Variants in RAP1GAP2 observed in about 807,000 individuals in gnomAD.
RAP1GAP2 encodes rap1 GTPase-activating protein 2.
RAP1GAP2 carries 27 observed loss-of-function variants against 95.0 expected under a neutral mutation model. That is an observed-to-expected ratio of 0.28 (90% CI 0.21 to 0.39). The LOEUF is 0.39. RAP1GAP2 is among the 10% of genes least tolerant of loss of function. RAP1GAP2 has a pLI of 1.00. For synonymous variants in RAP1GAP2, 373 were observed against 380.9 expected, an observed-to-expected ratio of 0.98 and a Z score of 0.24; for missense variants, 771 against 970.0, an observed-to-expected ratio of 0.79 and a Z score of 2.72.
chr17:2,916,369 A>G (rs994914478), intron 3 of RAP1GAP2, among the ~76,000 whole-genome samples: 1 of 152,204 alleles, frequency 6.6e-6, no homozygotes. Context: ...ATCCTGTTCA[A>G]CAAAGCACCG....
In RAP1GAP2 at chr17:2,842,401, A is replaced by G. The variant is rs146807862; in HGVS notation, c.80+41851A>G. On this transcript the variant is annotated intron_variant, in intron 2 of 24. Coordinates refer to ENST00000254695, the MANE Select transcript of RAP1GAP2 (RefSeq NM_015085.5). The stretch of plus-strand genomic sequence containing the variant: ...AAAAATTAGCCAGGCGTGGTGGCAC[A>G]TGCCTGTAATCCCAGCTACTTGGGA... Among the ~76,000 whole-genome samples, 483 of 152,018 alleles carry G rather than the reference A, an allele frequency of 3.2e-3. 3 individuals are homozygous for G. The highest frequency in any genetic ancestry group is 8.2e-3 in the Admixed American group (125 of 15,244).
chr17:2,799,594 C>G (rs1012296793), intron 1 of RAP1GAP2, among the ~76,000 whole-genome samples: 1 of 152,134 alleles, frequency 6.6e-6, no homozygotes, highest in Non-Finnish European at 1.5e-5. Context: ...TTTAGTGAAG[C>G]TGACAGTGAT....
chr17:2,939,245 A>G (rs35502421), intron 3 of RAP1GAP2, among the ~76,000 whole-genome samples: 11,925 of 152,060 alleles, frequency 0.078, 581 homozygotes, highest in Middle Eastern at 0.12. Context: ...ATGCGCCACC[A>G]TACCCAGCTA....
At chr17:2,909,200 G>T (rs893589564) in intron 3 of RAP1GAP2, among the ~76,000 whole-genome samples, 3 of 152,160 alleles carry the variant, frequency 2.0e-5, no homozygotes, top group African/African-American at 7.2e-5. Context: ...TGGGGTCTCT[G>T]CAGAGGAGGC....
chr17:2,997,268 C>T (rs2045991947), intron 13 of RAP1GAP2, among the ~76,000 whole-genome samples: 1 of 152,168 alleles, frequency 6.6e-6, no homozygotes, highest in African/African-American at 2.4e-5. Flanking sequence ...TCATCACTCT[C>T]ATTCACACCT....
chr17:2,759,437 C>T (rs1176956946), intron 1 of RAP1GAP2, among the ~76,000 whole-genome samples: 6 of 151,974 alleles, frequency 3.9e-5, no homozygotes, highest in South Asian at 2.1e-4. Context: ...CGTGCCACCA[C>T]GCCCAGCTAA....
chr17:2,823,119 G>A (rs1158257279), intron 2 of RAP1GAP2, among the ~76,000 whole-genome samples: 1 of 151,684 alleles, frequency 6.6e-6, no homozygotes, highest in Non-Finnish European at 1.5e-5. Context: ...GGTGTCATGG[G>A]GATGGCGGGT....
intron 3 of RAP1GAP2, among the ~76,000 whole-genome samples, chr17:2,934,160 C>G (rs2043235653): frequency 6.6e-6 from 1 of 152,124 alleles, no homozygotes; most frequent in African/African-American, 2.4e-5. Flanking sequence ...GAGACAGAGT[C>G]TTGTTCCGTT....
chr17:2,821,557 A>G (rs1339083673), intron 2 of RAP1GAP2, among the ~76,000 whole-genome samples: 1 of 149,466 alleles, frequency 6.7e-6, no homozygotes, highest in Non-Finnish European at 1.5e-5. Context: ...TTTTTTTTGT[A>G]GAGATGAAGT....
upstream of RAP1GAP2, among the ~76,000 whole-genome samples, chr17:2,773,006 G>A (rs1385570695): frequency 2.0e-5 from 3 of 152,000 alleles, no homozygotes; most frequent in East Asian, 3.9e-4. Flanking sequence ...TTACAGGCAT[G>A]CGTCACCACA....
In RAP1GAP2 at chr17:2,905,295, T is replaced by C; in HGVS notation, c.92T>C (p.Leu31Pro). Residue 31 changes from leucine to proline, a missense_variant, in exon 3 of 25, where the codon CTG becomes CCG. Coordinates refer to ENST00000254695, the MANE Select transcript of RAP1GAP2 (RefSeq NM_015085.5). Reference protein sequence around the residue: ...LASLKVKKQELANSSDATLPD... With the variant: ...LASLKVKKQEPANSSDATLPD... ...TGGCCTCTTCACAGGAAGCAGGAGC[T>C]GGCCAACAGCTCGGATGCGACCCTC... 2.5e-6 allele frequency: 4 copies of C among 1,613,774 alleles called. No homozygotes were observed. The highest frequency in any genetic ancestry group is 3.4e-6 in the Non-Finnish European group (4 of 1,179,750).
At chr17:3,002,428 G>C (rs1378826165) in intron 14 of RAP1GAP2, among the ~76,000 whole-genome samples, 1 of 152,212 alleles carries the variant, frequency 6.6e-6, no homozygotes. Context: ...AATGAGGCCA[G>C]GGAGGGGGAC....
Position 2,866,713 on chromosome 17 carries a change from T to G in RAP1GAP2, c.81-38571T>G, listed in dbSNP as rs889519216. 6.8e-6 allele frequency among the ~76,000 whole-genome samples: 1 copy of G among 146,940 alleles called. No homozygotes were observed. Among genetic ancestry groups the G allele is most frequent in the Non-Finnish European group, 1.5e-5 (1 of 66,838 alleles). On this transcript the variant is annotated intron_variant, in intron 2 of 24. Coordinates refer to ENST00000254695, the MANE Select transcript of RAP1GAP2 (RefSeq NM_015085.5). The surrounding 1 kb of genome is among the most constrained non-coding windows in gnomAD (Gnocchi z 4.0). ...CTCCCGGGTTCAAGCGATTCTCCTG[T>G]CTCAGCCTCCCGAGTAGCTGGGATT...
chr17:2,894,380 A>G (rs540060595), intron 2 of RAP1GAP2, among the ~76,000 whole-genome samples: 1 of 152,232 alleles, frequency 6.6e-6, no homozygotes, highest in Non-Finnish European at 1.5e-5. Context: ...CAGTGAGCCA[A>G]GATCGCGCCA....
chr17:2,936,051 G>A (rs547141576), intron 3 of RAP1GAP2, among the ~76,000 whole-genome samples: 1 of 151,876 alleles, frequency 6.6e-6, no homozygotes, highest in African/African-American at 2.4e-5. Flanking sequence ...TGCGCAGACC[G>A]CCATCTCCTC....
intron 3 of RAP1GAP2, among the ~76,000 whole-genome samples, chr17:2,950,047 T>C (rs75017331): frequency 2.5e-4 from 14 of 55,094 alleles, no homozygotes; most frequent in Admixed American, 1.4e-3. Flanking sequence ...TCTTTTCTTC[T>C]TCTTCTTCTT....
At chr17:2,874,482 A>G (rs1023263703) in intron 2 of RAP1GAP2, among the ~76,000 whole-genome samples, 1 of 151,418 alleles carries the variant, frequency 6.6e-6, no homozygotes, top group South Asian at 2.1e-4. Context: ...GAGATGACCT[A>G]TCTACAAAGA....
intron 2 of RAP1GAP2, among the ~76,000 whole-genome samples, chr17:2,864,185 GA>G (rs1310594770): frequency 5.3e-5 from 8 of 152,172 alleles, no homozygotes; most frequent in African/African-American, 1.9e-4. Context: ...CTTGCAGTCT[GA>G]GGCGGAGGTG....
At chr17:2,876,832 G>C (rs74736909) in intron 2 of RAP1GAP2, among the ~76,000 whole-genome samples, 1,655 of 152,100 alleles carry the variant, frequency 0.011, 31 homozygotes, top group African/African-American at 0.037. Flanking sequence ...CTTGGCTGAG[G>C]GGAAGGGTCA....
Sources: allele counts gnomAD v4.1 joint callset (sites outside exome capture counted in the v4.1 genomes callset), GRCh38; gene constraint gnomAD v4.1.1; non-coding constraint Gnocchi (gnomAD v3.1); transcripts MANE v1.5; gene names NCBI Gene and HGNC (gene_info 2026-07-23, HGNC 2026-07-21).